Variants in AMBRA1 observed in about 807,000 individuals in gnomAD.
AMBRA1 encodes autophagy and beclin 1 regulator 1.
In AMBRA1, 47 loss-of-function variants were observed where a neutral mutation model predicts 125.4. The observed-to-expected ratio is 0.37, with a 90% CI of 0.30 to 0.48. The LOEUF (loss-of-function observed/expected upper bound fraction) is 0.48. AMBRA1 is among the 20% of genes least tolerant of loss of function. The pLI is 0.99. For synonymous variants in AMBRA1, 626 were observed against 655.5 expected (o/e 0.95, Z 0.69); for missense variants, 1,331 against 1,693.4 (o/e 0.79, Z 3.76).
chr11:46,566,200 C>T (rs1208138259), intron 1 of AMBRA1, among the ~76,000 whole-genome samples: 2 of 152,172 alleles, frequency 1.3e-5, no homozygotes, highest in Non-Finnish European at 2.9e-5. Context: ...GGGTGGATCA[C>T]CTGAGGTCAG....
chr11:46,556,866 G>A (rs962148603), intron 1 of AMBRA1, among the ~76,000 whole-genome samples: 1 of 152,216 alleles, frequency 6.6e-6, no homozygotes, highest in Non-Finnish European at 1.5e-5. Flanking sequence ...GCTGGTTGCG[G>A]TGGCTCATGC....
At chr11:46,399,978 T>C (rs1198575637) in intron 17 of AMBRA1, among the ~76,000 whole-genome samples, 3 of 152,126 alleles carry the variant, frequency 2.0e-5, no homozygotes, top group Admixed American at 2.0e-4. Flanking sequence ...AACATCTACC[T>C]TGCACGGTGC....
intron 9 of AMBRA1, among the ~76,000 whole-genome samples, chr11:46,500,675 T>A (rs184695054): frequency 6.6e-6 from 1 of 152,206 alleles, no homozygotes; most frequent in East Asian, 1.9e-4. Flanking sequence ...GGTCCCTGAA[T>A]AAGCCCTGTA....
At chr11:46,585,502 C>T (rs1275456041) in intron 1 of AMBRA1, among the ~76,000 whole-genome samples, 3 of 147,186 alleles carry the variant, frequency 2.0e-5, no homozygotes, top group African/African-American at 7.5e-5. Flanking sequence ...CCCGACTCTA[C>T]TAAAAATACA....
At chr11:46,544,731 C>T (rs1444230591) in intron 5 of AMBRA1, among the ~76,000 whole-genome samples, 1 of 152,106 alleles carries the variant, frequency 6.6e-6, no homozygotes, top group East Asian at 1.9e-4. Context: ...AGTCTAATGA[C>T]CCTGATCTCC....
rs538047214 is a variant in AMBRA1 at position 46,434,680 on chromosome 11, A to G, written c.2821+169T>C. ...ACTCTAATGCTCAGATGCTTCTGCA[A>G]TGTTACTAGCCAGCACTCCTGCAAA... On this transcript the variant is annotated intron_variant, in intron 13 of 17. Transcript: ENST00000683756. 8.5e-5 allele frequency among the ~76,000 whole-genome samples: 13 copies of G among 152,298 alleles called. No homozygotes were observed. In the South Asian group the frequency reaches 2.1e-3, roughly 24 times the overall value.
At chr11:46,515,418 A>G (rs1951434217) in intron 7 of AMBRA1, among the ~76,000 whole-genome samples, 1 of 152,100 alleles carries the variant, frequency 6.6e-6, no homozygotes, top group South Asian at 2.1e-4. Flanking sequence ...GGTTGCAGTG[A>G]GCTGAGATCG....
intron 1 of AMBRA1, among the ~76,000 whole-genome samples, chr11:46,553,293 A>C (rs886176785): frequency 6.6e-6 from 1 of 152,178 alleles, no homozygotes; most frequent in African/African-American, 2.4e-5. Context: ...AAAGCCAAAC[A>C]ATAATTGGCT....
intron 9 of AMBRA1, among the ~76,000 whole-genome samples, chr11:46,501,214 C>T (rs1231004169): frequency 6.6e-6 from 1 of 152,234 alleles, no homozygotes; most frequent in Non-Finnish European, 1.5e-5. Context: ...AATTCCTGGC[C>T]ATGGCCACTG....
intron 11 of AMBRA1, among the ~76,000 whole-genome samples, chr11:46,466,649 G>A (rs1196554456): frequency 2.6e-5 from 4 of 152,190 alleles, no homozygotes; most frequent in African/African-American, 9.7e-5. Flanking sequence ...TGTGTGGCAG[G>A]AAAGAGAAAT....
chr11:46,588,259 G>A (rs1168200912), intron 1 of AMBRA1, among the ~76,000 whole-genome samples: 1 of 152,132 alleles, frequency 6.6e-6, no homozygotes, highest in African/African-American at 2.4e-5. Context: ...TTGAACCTGG[G>A]AGGCGCAGGT....
chr11:46,471,916 G>A (rs769589664), intron 11 of AMBRA1, among the ~76,000 whole-genome samples: 3 of 152,098 alleles, frequency 2.0e-5, no homozygotes, highest in Non-Finnish European at 4.4e-5. Context: ...GTGAGCCACC[G>A]TGCCTGGCCA....
intron 11 of AMBRA1, among the ~76,000 whole-genome samples, chr11:46,474,831 T>C (rs1255123478): frequency 6.6e-6 from 1 of 152,200 alleles, no homozygotes; most frequent in African/African-American, 2.4e-5. Flanking sequence ...ACTGGTTCAC[T>C]GAGGGCAGCT....
At chr11:46,555,817 T>C (rs1208082791) in intron 1 of AMBRA1, among the ~76,000 whole-genome samples, 2 of 152,240 alleles carry the variant, frequency 1.3e-5, no homozygotes, top group Admixed American at 1.3e-4. Context: ...TTCCCCTTCC[T>C]ATTGCATTTA....
In AMBRA1 at chr11:46,581,994, T is replaced by C. The variant is rs559688089; in HGVS notation, c.-121+11834A>G. On this transcript the variant is annotated intron_variant, in intron 1 of 17. Coordinates refer to ENST00000683756, the MANE Select transcript of AMBRA1 (RefSeq NM_001387011.1). ...ACCTAGGCATGGTGGTGGGTGCCTG[T>C]AGTCCCAGCTACTTGGGAAGCCGAG... Among the ~76,000 whole-genome samples the C allele has an allele frequency of 3.2e-4, 49 of 151,312 alleles. 1 individual carries two copies. The highest frequency in any genetic ancestry group is 2.9e-3 in the Admixed American group (44 of 15,052).
At chr11:46,474,692 C>A (rs1949742658) in intron 11 of AMBRA1, among the ~76,000 whole-genome samples, 1 of 152,118 alleles carries the variant, frequency 6.6e-6, no homozygotes, top group South Asian at 2.1e-4. Context: ...CTGGCCTCTA[C>A]CCTTGTTCTT....
intron 11 of AMBRA1, among the ~76,000 whole-genome samples, chr11:46,452,686 G>A (rs1263480576): frequency 1.3e-5 from 2 of 152,134 alleles, no homozygotes; most frequent in Non-Finnish European, 2.9e-5. Flanking sequence ...TCCTAAGAAA[G>A]GGGTATAACT....
chr11:46,587,189 G>A (rs1435054802), intron 1 of AMBRA1, among the ~76,000 whole-genome samples: 2 of 152,104 alleles, frequency 1.3e-5, no homozygotes, highest in African/African-American at 4.8e-5. Context: ...AGATCTGCCT[G>A]GCCAACATGG....
At chr11:46,553,012 C>A (rs1051317703) in intron 1 of AMBRA1, among the ~76,000 whole-genome samples, 1 of 151,972 alleles carries the variant, frequency 6.6e-6, no homozygotes, top group African/African-American at 2.4e-5. Flanking sequence ...GTGGGGCGAT[C>A]TCGGCTCACT....
Sources: gnomAD v4.1 joint callset for allele counts (sites outside exome capture counted in the v4.1 genomes callset) on GRCh38, gnomAD v4.1.1 for gene constraint, MANE v1.5 for transcripts, NCBI Gene and HGNC (gene_info 2026-07-23, HGNC 2026-07-21) for gene names.